The following ARHGAP15 variants were observed in gnomAD, a reference collection of about 807,000 sequenced individuals.
ARHGAP15 encodes Rho GTPase activating protein 15.
ARHGAP15 carries 51 observed loss-of-function variants against 63.7 expected under a neutral mutation model. The observed-to-expected ratio is 0.80, with a 90% CI of 0.64 to 1.01. The LOEUF is 1.01. Ranked by LOEUF, ARHGAP15 falls within the 50% of genes least tolerant of loss-of-function variation. ARHGAP15 has a pLI of 0.00. For synonymous variants in ARHGAP15, 191 were observed against 193.8 expected (o/e 0.99, Z 0.12); for missense variants, 560 against 564.6 (o/e 0.99, Z 0.08).
chr2:143,347,243 A>G (rs539376362), intron 6 of ARHGAP15, among the ~76,000 whole-genome samples: 1 of 152,300 alleles, frequency 6.6e-6, no homozygotes, highest in Non-Finnish European at 1.5e-5. Flanking sequence ...TGTTAGCAGT[A>G]TTTTGTTAAC....
At chr2:143,628,107 G>T (rs537944086) in intron 12 of ARHGAP15, among the ~76,000 whole-genome samples, 28 of 152,028 alleles carry the variant, frequency 1.8e-4, no homozygotes, top group Non-Finnish European at 3.4e-4. Flanking sequence ...GCATTAATTT[G>T]CTTAGGATAA....
intron 6 of ARHGAP15, among the ~76,000 whole-genome samples, chr2:143,375,388 C>CTG (rs1686760088): frequency 6.6e-6 from 1 of 152,068 alleles, no homozygotes; most frequent in African/African-American, 2.4e-5. Flanking sequence ...CTTTTATGGC[C>CTG]TGAAAGTAAG....
intron 6 of ARHGAP15, among the ~76,000 whole-genome samples, chr2:143,360,395 AAG>A (rs1685994997): frequency 6.6e-6 from 1 of 152,042 alleles, no homozygotes; most frequent in Admixed American, 6.6e-5. Flanking sequence ...AAAAATAAAA[AAG>A]AACTTTGAAA....
At position 143,768,047 on chromosome 2, in the gene ARHGAP15, G is replaced by A; in HGVS notation, c.1303G>A (p.Gly435Arg). 1 of 1,613,596 alleles carries A rather than the reference G, an allele frequency of 6.2e-7. No homozygotes were observed. The highest frequency in any genetic ancestry group is 1.3e-5 in the African/African-American group (1 of 74,936). ...CACGCAAAGCTTGGGGATTGTATTT[G>A]GACCTACCCTTCTGCGAGCTGAAAA... is the stretch of plus-strand genomic sequence containing the variant. ...MSTQSLGIVFGPTLLRAENET... is the reference protein window; with the variant it reads ...MSTQSLGIVFRPTLLRAENET... The change falls in exon 14 of 14, where the codon GGA (glycine) becomes AGA (arginine). Residue 435 changes from glycine to arginine, a missense_variant. Coordinates refer to ENST00000295095, the MANE Select transcript of ARHGAP15 (RefSeq NM_018460.4).
At chr2:143,550,166 A>T (rs1244276640) in intron 10 of ARHGAP15, among the ~76,000 whole-genome samples, 4 of 152,230 alleles carry the variant, frequency 2.6e-5, no homozygotes, top group African/African-American at 7.2e-5. Context: ...ATCCAAGAGC[A>T]AAAGCAATTT....
Position 143,311,232 on chromosome 2 carries a change from ATCAAT to A in ARHGAP15, c.474+60637_474+60641del, listed in dbSNP as rs370197372. Among the ~76,000 whole-genome samples, 16 of 152,042 alleles carry A rather than the reference ATCAAT, an allele frequency of 1.1e-4. No individual in the cohort carries two copies. The East Asian group carries it at 2.9e-3, about 28-fold the overall frequency. ...CAGTAAAGTAATAAGCACACGGTGT[ATCAAT>A]TCAAAGACGTCCAGTTTTAGAAATA... is the stretch of plus-strand genomic sequence containing the variant. On this transcript the variant is annotated intron_variant, in intron 6 of 13. Transcript: ENST00000295095.
At chr2:143,544,274 C>T (rs537717613) in intron 10 of ARHGAP15, among the ~76,000 whole-genome samples, 1 of 152,182 alleles carries the variant, frequency 6.6e-6, no homozygotes, top group South Asian at 2.1e-4. Flanking sequence ...AACCATCTTT[C>T]AGCTAAATTA....
intron 8 of ARHGAP15, among the ~76,000 whole-genome samples, chr2:143,460,729 A>T (rs1690894285): frequency 1.3e-5 from 2 of 152,274 alleles, no homozygotes; most frequent in African/African-American, 4.8e-5. Context: ...AACAACATGT[A>T]TGTGGGACTC....
chr2:143,523,985 C>T (rs1236467287), intron 10 of ARHGAP15, among the ~76,000 whole-genome samples: 1 of 152,104 alleles, frequency 6.6e-6, no homozygotes, highest in African/African-American at 2.4e-5. Context: ...CAGAATGCCT[C>T]AGCAGATGCT....
chr2:143,381,527 A>G (rs527721328), intron 6 of ARHGAP15, among the ~76,000 whole-genome samples: 18 of 151,986 alleles, frequency 1.2e-4, no homozygotes, highest in African/African-American at 4.3e-4. Flanking sequence ...GCCAGTTTGG[A>G]TTTACTTTTC....
chr2:143,620,076 T>C (rs1698594474), intron 11 of ARHGAP15, among the ~76,000 whole-genome samples: 1 of 152,208 alleles, frequency 6.6e-6, no homozygotes, highest in Admixed American at 6.5e-5. Context: ...TTTTATTTTA[T>C]CATTTTGGCC....
intron 8 of ARHGAP15, among the ~76,000 whole-genome samples, chr2:143,475,162 T>C (rs956669103): frequency 2.0e-5 from 3 of 152,204 alleles, no homozygotes; most frequent in Non-Finnish European, 4.4e-5. Context: ...ATGTATGTTA[T>C]GAATTATGAT....
chr2:143,369,530 G>A (rs1686451138), intron 6 of ARHGAP15, among the ~76,000 whole-genome samples: 1 of 151,878 alleles, frequency 6.6e-6, no homozygotes, highest in African/African-American at 2.4e-5. Flanking sequence ...ATTTTGAAAA[G>A]GTAATCCTGA....
chr2:143,224,467 G>A (rs116315116), intron 4 of ARHGAP15, among the ~76,000 whole-genome samples: 460 of 152,276 alleles, frequency 3.0e-3, no homozygotes, highest in African/African-American at 0.011. Context: ...CTTAAGAGGA[G>A]AGAGGTGGTT....
At chr2:143,534,479 T>A (rs894150104) in intron 10 of ARHGAP15, among the ~76,000 whole-genome samples, 4 of 152,148 alleles carry the variant, frequency 2.6e-5, no homozygotes, top group African/African-American at 4.8e-5. Flanking sequence ...GTACCTGTAT[T>A]CTCTGCAGTC....
At chr2:143,641,995 T>C (rs1019080999) in intron 12 of ARHGAP15, among the ~76,000 whole-genome samples, 1 of 152,118 alleles carries the variant, frequency 6.6e-6, no homozygotes, top group African/African-American at 2.4e-5. Flanking sequence ...ATTTATATTA[T>C]GAAATACTAA....
At chr2:143,264,987 C>A (rs1039252314) in intron 6 of ARHGAP15, among the ~76,000 whole-genome samples, 2 of 152,074 alleles carry the variant, frequency 1.3e-5, no homozygotes, top group African/African-American at 4.8e-5. Flanking sequence ...AGCTGCCTAA[C>A]AAAGTTAACT....
chr2:143,476,113 C>T (rs1691803460), intron 8 of ARHGAP15, among the ~76,000 whole-genome samples: 1 of 152,090 alleles, frequency 6.6e-6, no homozygotes, highest in Non-Finnish European at 1.5e-5. Flanking sequence ...CTGCTTTTTC[C>T]AGGCACTTGT....
intron 10 of ARHGAP15, among the ~76,000 whole-genome samples, chr2:143,543,139 G>T (rs560071832): frequency 6.6e-6 from 1 of 151,654 alleles, no homozygotes; most frequent in East Asian, 1.9e-4. Context: ...CATAATTGTT[G>T]TACTAATTTG....
Sources: allele counts gnomAD v4.1 joint callset (sites outside exome capture counted in the v4.1 genomes callset), GRCh38; gene constraint gnomAD v4.1.1; transcripts MANE v1.5; gene names NCBI Gene and HGNC (gene_info 2026-07-23, HGNC 2026-07-21).